The following TENM3 variants were observed in gnomAD, a reference collection of about 807,000 sequenced individuals.
The protein encoded by TENM3 is teneurin transmembrane protein 3, also known as teneurin-3.
A neutral mutation model predicts 255.1 loss-of-function variants in TENM3; 63 were observed. That is an observed-to-expected ratio of 0.25 (90% CI 0.20 to 0.30). The LOEUF is 0.30. Ranked by LOEUF, TENM3 falls within the 10% of genes least tolerant of loss-of-function variation. The pLI, the probability that TENM3 is intolerant of heterozygous loss-of-function variation, is 1.00. For synonymous variants in TENM3, 1,306 were observed against 1,322.3 expected (o/e 0.99, Z 0.27); for missense variants, 2,929 against 3,461.1 (o/e 0.85, Z 3.86).
At chr4:181,635,339 G>A in the TENM3 span, among the ~76,000 whole-genome samples, 2 of 152,136 alleles carry the variant, frequency 1.3e-5, no homozygotes, top group Non-Finnish European at 2.9e-5. Context: ...GCTAATCATA[G>A]CTAAACATGG....
chr4:182,257,353 G>T (rs200124873), intron 1 of TENM3, among the ~76,000 whole-genome samples: 2 of 152,082 alleles, frequency 1.3e-5, no homozygotes, highest in African/African-American at 2.4e-5. Flanking sequence ...TGCAAGTTAC[G>T]CAGTGGTGCC....
intron 1 of TENM3, among the ~76,000 whole-genome samples, chr4:182,304,786 A>T (rs1331288672): frequency 6.6e-6 from 1 of 152,132 alleles, no homozygotes; most frequent in Non-Finnish European, 1.5e-5. Context: ...GACACAGCTT[A>T]AAACTGTTTG....
chr4:181,581,518 T>C, the TENM3 span, among the ~76,000 whole-genome samples: 129 of 152,284 alleles, frequency 8.5e-4, no homozygotes, highest in African/African-American at 3.0e-3. Flanking sequence ...CTATCTTGCA[T>C]TTAGCAGTCT....
chr4:182,075,194 T>A, the TENM3 span, among the ~76,000 whole-genome samples: 2 of 115,302 alleles, frequency 1.7e-5, no homozygotes, highest in Non-Finnish European at 3.5e-5. Flanking sequence ...GACACTTGTT[T>A]TTTTTCTTTT....
At chr4:182,657,401 G>A (rs958089995) in intron 6 of TENM3, among the ~76,000 whole-genome samples, 2 of 151,998 alleles carry the variant, frequency 1.3e-5, no homozygotes, top group African/African-American at 4.8e-5. Flanking sequence ...CTCATTTTCT[G>A]TAAACACATC....
At chr4:182,009,947 G>C in the TENM3 span, among the ~76,000 whole-genome samples, 1 of 152,132 alleles carries the variant, frequency 6.6e-6, no homozygotes, top group Non-Finnish European at 1.5e-5. Context: ...GGGGGGAGGG[G>C]GTTCCCCTTT....
the TENM3 span, among the ~76,000 whole-genome samples, chr4:182,030,175 G>C: frequency 3.3e-5 from 5 of 151,774 alleles, no homozygotes; most frequent in African/African-American, 1.2e-4. Context: ...CTATCAACCC[G>C]TTACCTATGT....
chr4:181,831,968 T>TTGTGTGTGTGTGTGTGTGTGTGTGTG, the TENM3 span, among the ~76,000 whole-genome samples: 2 of 132,714 alleles, frequency 1.5e-5, no homozygotes, highest in Middle Eastern at 3.9e-3. Context: ...ATATATTACA[T>TTGTGTGTGTGTGTGTGTGTGTGTGTG]TGTGTGTGTG....
At chr4:181,737,086 G>C in the TENM3 span, among the ~76,000 whole-genome samples, 2 of 152,064 alleles carry the variant, frequency 1.3e-5, no homozygotes, top group African/African-American at 4.8e-5. Context: ...ATCAGCTACC[G>C]GTAGTTCTTC....
chr4:182,299,752 G>T (rs1358751027), intron 1 of TENM3, among the ~76,000 whole-genome samples: 1 of 151,720 alleles, frequency 6.6e-6, no homozygotes, highest in African/African-American at 2.4e-5. Flanking sequence ...AAAAGTGACT[G>T]ATGGCGGAGG....
intron 9 of TENM3, 96 bp downstream of exon 9, chr4:182,680,445 G>T: frequency 5.7e-6 from 8 of 1,407,860 alleles, no homozygotes; most frequent in Non-Finnish European, 7.0e-6. Flanking sequence ...AAAGGGGGGG[G>T]GAGACTGGCA....
chr4:181,844,464 C>T, the TENM3 span, among the ~76,000 whole-genome samples: 3 of 151,906 alleles, frequency 2.0e-5, no homozygotes, highest in South Asian at 2.1e-4. Flanking sequence ...GTCAGGAGAT[C>T]GAGACCATCT....
chr4:182,431,036 TAAACAAACAAAC>T (rs59913149), intron 3 of TENM3, among the ~76,000 whole-genome samples: 6,638 of 146,814 alleles, frequency 0.045, 249 homozygotes, highest in East Asian at 0.11. Flanking sequence ...AATAAATAAA[TAAACAAACAAAC>T]AAACAAACAA....
chr4:181,564,045 T>C, the TENM3 span, among the ~76,000 whole-genome samples: 7 of 145,772 alleles, frequency 4.8e-5, no homozygotes, highest in East Asian at 2.0e-4. Context: ...TTTTTCTTTT[T>C]TTTTTTTTTT....
At chr4:181,731,816 A>G in the TENM3 span, among the ~76,000 whole-genome samples, 2 of 152,214 alleles carry the variant, frequency 1.3e-5, no homozygotes, top group African/African-American at 4.8e-5. Flanking sequence ...CCACTGTACT[A>G]TATATTAACA....
At chr4:182,418,033 C>T (rs1770519166) in intron 3 of TENM3, among the ~76,000 whole-genome samples, 1 of 152,050 alleles carries the variant, frequency 6.6e-6, no homozygotes, top group Non-Finnish European at 1.5e-5. Flanking sequence ...TATACTAAAA[C>T]TGAATCATGG....
chr4:182,669,686 A>G (rs1015575600), intron 6 of TENM3, among the ~76,000 whole-genome samples: 1 of 152,154 alleles, frequency 6.6e-6, no homozygotes, highest in Non-Finnish European at 1.5e-5. Context: ...AATATATCTG[A>G]TTTTATATGA....
At chr4:182,558,951 T>C (rs1303768027) in intron 3 of TENM3, among the ~76,000 whole-genome samples, 1 of 152,126 alleles carries the variant, frequency 6.6e-6, no homozygotes, top group Non-Finnish European at 1.5e-5. Flanking sequence ...TCCACCCTTA[T>C]GGTTATTTAA....
chr4:181,848,849 G>A, the TENM3 span, among the ~76,000 whole-genome samples: 1 of 152,046 alleles, frequency 6.6e-6, no homozygotes, highest in African/African-American at 2.4e-5. Flanking sequence ...ACGGTTTGGG[G>A]CAACTGGAGT....
Sources: allele counts gnomAD v4.1 joint callset (sites outside exome capture counted in the v4.1 genomes callset), GRCh38; gene constraint gnomAD v4.1.1; transcripts MANE v1.5; gene names NCBI Gene and HGNC (gene_info 2026-07-23, HGNC 2026-07-21).